NELL2: variants seen among roughly 807,000 people sequenced by gnomAD.
NELL2 encodes neural EGFL like 2.
A neutral mutation model predicts 109.6 loss-of-function variants in NELL2; 41 were observed. That is an observed-to-expected ratio of 0.37 (90% CI 0.29 to 0.49). The LOEUF (loss-of-function observed/expected upper bound fraction) is 0.49. Ranked by LOEUF, NELL2 falls within the 20% of genes least tolerant of loss-of-function variation. The pLI, the probability that NELL2 is intolerant of heterozygous loss-of-function variation, is 0.98. For synonymous variants in NELL2, 355 were observed against 344.7 expected, an observed-to-expected ratio of 1.03 and a Z score of -0.33; for missense variants, 900 against 1,008.3, an observed-to-expected ratio of 0.89 and a Z score of 1.45.
At position 44,668,825 on chromosome 12, in the gene NELL2, C is replaced by T. The variant is rs546742098; in HGVS notation, c.1319-3216G>A. ...AGAGACCTGAGGGTTGGAAAACTGC[C>T]ACTAGTGCCACCATCAGTGTCACAA... On this transcript the variant is annotated intron_variant, in intron 12 of 19. Transcript: ENST00000429094. 5.3e-5 allele frequency among the ~76,000 whole-genome samples: 8 copies of T among 152,228 alleles called. No homozygotes were observed. The East Asian group carries it at 1.3e-3, about 26-fold the overall frequency.
intron 15 of NELL2, among the ~76,000 whole-genome samples, chr12:44,548,347 C>T (rs560757640): frequency 4.6e-5 from 7 of 151,790 alleles, no homozygotes; most frequent in East Asian, 1.9e-4. Flanking sequence ...CAAGAAGGAT[C>T]GCCTGGCCAA....
At chr12:44,541,075 C>A (rs1488897827) in intron 15 of NELL2, among the ~76,000 whole-genome samples, 1 of 151,198 alleles carries the variant, frequency 6.6e-6, no homozygotes, top group Non-Finnish European at 1.5e-5. Flanking sequence ...GAAAACCCAT[C>A]TCTACTGAAA....
intron 12 of NELL2, among the ~76,000 whole-genome samples, chr12:44,673,928 G>C (rs915776350): frequency 1.3e-5 from 2 of 151,514 alleles, no homozygotes; most frequent in African/African-American, 4.9e-5. Context: ...TGAGCTCTGA[G>C]ACACTTTAAA....
intron 15 of NELL2, among the ~76,000 whole-genome samples, chr12:44,548,296 G>A (rs575471021): frequency 3.0e-4 from 45 of 152,142 alleles, no homozygotes; most frequent in Non-Finnish European, 5.4e-4. Context: ...TAACATAAGT[G>A]TTAGTCTTTA....
intron 15 of NELL2, among the ~76,000 whole-genome samples, chr12:44,538,315 C>T (rs1942383216): frequency 1.3e-5 from 2 of 152,134 alleles, no homozygotes; most frequent in South Asian, 4.1e-4. Flanking sequence ...TAATACTTTC[C>T]CTCTTCATAG....
At chr12:44,685,649 G>A (rs1015972792) in intron 12 of NELL2, among the ~76,000 whole-genome samples, 2 of 151,880 alleles carry the variant, frequency 1.3e-5, no homozygotes, top group African/African-American at 4.8e-5. Flanking sequence ...TGTCTGTAAA[G>A]GATTTTATTT....
intron 9 of NELL2, among the ~76,000 whole-genome samples, chr12:44,761,809 A>G (rs1941138573): frequency 6.6e-6 from 1 of 152,312 alleles, no homozygotes; most frequent in Admixed American, 6.5e-5. Flanking sequence ...GTTCTCACTT[A>G]TAAGTAGGAG....
At chr12:44,620,787 G>T (rs771986690) in intron 13 of NELL2, among the ~76,000 whole-genome samples, 1 of 152,060 alleles carries the variant, frequency 6.6e-6, no homozygotes, top group African/African-American at 2.4e-5. Context: ...CTCTGCAGGT[G>T]CCCCAAACTG....
At chr12:44,848,001 G>A (rs1262633872) in intron 2 of NELL2, among the ~76,000 whole-genome samples, 5 of 149,432 alleles carry the variant, frequency 3.3e-5, no homozygotes, top group East Asian at 2.0e-4. Context: ...CACTGCATCC[G>A]GTCTGGGCGA....
chr12:44,551,867 C>T (rs896372906), intron 15 of NELL2, among the ~76,000 whole-genome samples: 23 of 152,096 alleles, frequency 1.5e-4, no homozygotes, highest in African/African-American at 5.3e-4. Flanking sequence ...GCTTTTATTA[C>T]TCATAAGATA....
At chr12:44,583,246 G>A (rs1944384741) in intron 15 of NELL2, among the ~76,000 whole-genome samples, 1 of 152,154 alleles carries the variant, frequency 6.6e-6, no homozygotes, top group Non-Finnish European at 1.5e-5. Context: ...GGGTTGGAGG[G>A]TATAAGATTC....
intron 1 of NELL2, among the ~76,000 whole-genome samples, chr12:44,898,128 C>A (rs1360643444): frequency 1.3e-5 from 2 of 152,182 alleles, no homozygotes; most frequent in East Asian, 3.9e-4. Context: ...ATAGAAAAAA[C>A]TCCCATCTCC....
At chr12:44,795,357 A>T (rs1942582223) in intron 3 of NELL2, among the ~76,000 whole-genome samples, 1 of 152,152 alleles carries the variant, frequency 6.6e-6, no homozygotes, top group Non-Finnish European at 1.5e-5. Flanking sequence ...TTTGGAATTG[A>T]AAATACAGCT....
chr12:44,715,957 A>G (rs1179380816), intron 9 of NELL2, among the ~76,000 whole-genome samples: 1 of 152,006 alleles, frequency 6.6e-6, no homozygotes. Context: ...TTTACTTTTA[A>G]ATTTTATTAT....
At chr12:44,632,312 C>T (rs1376511253) in intron 13 of NELL2, among the ~76,000 whole-genome samples, 1 of 151,866 alleles carries the variant, frequency 6.6e-6, no homozygotes, top group Non-Finnish European at 1.5e-5. Flanking sequence ...GTGGATCTAG[C>T]CAGCACAGTA....
At chr12:44,634,635 G>T (rs539851440) in intron 13 of NELL2, among the ~76,000 whole-genome samples, 1 of 152,182 alleles carries the variant, frequency 6.6e-6, no homozygotes, top group African/African-American at 2.4e-5. Context: ...ATAAACATGC[G>T]TGTGTATGTG....
chr12:44,783,609 C>G (rs1253709688), intron 3 of NELL2, among the ~76,000 whole-genome samples: 1 of 151,710 alleles, frequency 6.6e-6, no homozygotes, highest in Non-Finnish European at 1.5e-5. Flanking sequence ...TGAACTAATT[C>G]AAAAACACAA....
At chr12:44,826,848 G>A (rs1440445818) in intron 2 of NELL2, among the ~76,000 whole-genome samples, 1 of 152,160 alleles carries the variant, frequency 6.6e-6, no homozygotes, top group Non-Finnish European at 1.5e-5. Context: ...CAACACTACA[G>A]TGATGCACAC....
rs933364614 is a variant in NELL2, at chr12:44,785,259, C to G, written c.336-5237G>C. 3.9e-5 allele frequency among the ~76,000 whole-genome samples: 6 copies of G among 152,196 alleles called. No individual in the cohort carries two copies. The South Asian group carries it at 1.2e-3, about 31-fold the overall frequency. On this transcript the variant is annotated intron_variant, in intron 3 of 19. Transcript: ENST00000429094. The stretch of plus-strand genomic sequence containing the variant: ...ATAACAGAGAAACACAGAGCCAAAT[C>G]ATGAGTGAACTTCCATTCACAATTG...
Sources: gnomAD v4.1 joint callset for allele counts (sites outside exome capture counted in the v4.1 genomes callset) on GRCh38, gnomAD v4.1.1 for gene constraint, MANE v1.5 for transcripts, NCBI Gene and HGNC (gene_info 2026-07-23, HGNC 2026-07-21) for gene names.